Variants in CACNA2D1 observed in about 807,000 individuals in gnomAD.
CACNA2D1 encodes calcium voltage-gated channel auxiliary subunit alpha2delta 1, also known as voltage-dependent calcium channel subunit alpha-2/delta-1.
A neutral mutation model predicts 171.5 loss-of-function variants in CACNA2D1; 53 were observed. The observed-to-expected ratio is 0.31, with a 90% CI of 0.25 to 0.39. CACNA2D1 has a LOEUF of 0.39. Among genes scored for constraint, CACNA2D1 ranks in the 10% least tolerant of loss-of-function variants. The probability of loss-of-function intolerance (pLI) is 1.00; values close to 1 mark genes in which losing one functional copy is unlikely to be tolerated. For synonymous variants in CACNA2D1, 442 were observed against 443.1 expected (o/e 1.00, Z 0.03); for missense variants, 903 against 1,299.8 (o/e 0.69, Z 4.69).
In CACNA2D1 at chr7:82,443,472, A is replaced by G; in HGVS notation, c.-13T>C. The G allele has an allele frequency of 6.2e-7, 1 of 1,606,542 alleles. No homozygotes were observed. Among genetic ancestry groups the G allele is most frequent in the Non-Finnish European group, 8.5e-7 (1 of 1,176,272 alleles). On this transcript the variant is annotated 5_prime_UTR_variant, in exon 1 of 39. Coordinates refer to ENST00000356860, the MANE Select transcript of CACNA2D1 (RefSeq NM_000722.4). ...AGCCAGCAGCCATCTTCGCGATCGA[A>G]GATCAATGCCCCCTCCCTGCCCAAG...
At chr7:81,953,673 T>TG (rs1297951130) in intron 38 of CACNA2D1, among the ~76,000 whole-genome samples, 2 of 152,154 alleles carry the variant, frequency 1.3e-5, no homozygotes, top group African/African-American at 2.4e-5. Context: ...ACACATGGAC[T>TG]GGTTAGAAAC....
chr7:82,366,702 G>C (rs1176395406), intron 1 of CACNA2D1, among the ~76,000 whole-genome samples: 2 of 151,980 alleles, frequency 1.3e-5, no homozygotes, highest in Non-Finnish European at 2.9e-5. Flanking sequence ...TTGTCTCTTT[G>C]GCAGAATGAT....
chr7:82,178,236 A>G (rs923901094), intron 3 of CACNA2D1, among the ~76,000 whole-genome samples: 8 of 152,132 alleles, frequency 5.3e-5, no homozygotes, highest in African/African-American at 1.9e-4. Context: ...AAATACTTCA[A>G]AATTAACCAC....
intron 4 of CACNA2D1, among the ~76,000 whole-genome samples, chr7:82,148,186 A>G (rs1793367432): frequency 6.6e-6 from 1 of 152,194 alleles, no homozygotes; most frequent in Non-Finnish European, 1.5e-5. Flanking sequence ...TTCAGCTCGG[A>G]TAGTGCATTA....
intron 3 of CACNA2D1, among the ~76,000 whole-genome samples, chr7:82,283,684 CAT>C (rs1397998989): frequency 6.6e-6 from 1 of 151,866 alleles, no homozygotes. Flanking sequence ...TTTTTAGTAA[CAT>C]AAGGTCACAC....
intron 3 of CACNA2D1, among the ~76,000 whole-genome samples, chr7:82,216,719 A>G (rs984656444): frequency 7.2e-5 from 11 of 152,144 alleles, no homozygotes; most frequent in African/African-American, 2.7e-4. Flanking sequence ...GACGCCTAGC[A>G]AAATCAAGTA....
chr7:82,113,185 CTT>C (rs1788652785), intron 6 of CACNA2D1, among the ~76,000 whole-genome samples: 1 of 151,910 alleles, frequency 6.6e-6, no homozygotes, highest in Non-Finnish European at 1.5e-5. Context: ...TAATGTTATT[CTT>C]ATAGAAATAT....
intron 3 of CACNA2D1, among the ~76,000 whole-genome samples, chr7:82,217,042 T>TGCTG (rs947825703): frequency 3.3e-5 from 5 of 151,956 alleles, no homozygotes; most frequent in Non-Finnish European, 5.9e-5. Context: ...ATTTATAAGG[T>TGCTG]GCTGTTTCCT....
At chr7:82,429,859 AG>A in intron 1 of CACNA2D1, among the ~76,000 whole-genome samples, 2 of 152,314 alleles carry the variant, frequency 1.3e-5, no homozygotes, top group Admixed American at 1.3e-4. Flanking sequence ...TTATATCGAC[AG>A]GAAAATCAGG....
intron 6 of CACNA2D1, among the ~76,000 whole-genome samples, chr7:82,094,999 G>A (rs1355976210): frequency 6.6e-6 from 1 of 151,864 alleles, no homozygotes; most frequent in Non-Finnish European, 1.5e-5. Flanking sequence ...GTATTTGTTG[G>A]TTCTCCATAA....
chr7:82,219,264 G>A (rs1801497962), intron 3 of CACNA2D1, among the ~76,000 whole-genome samples: 1 of 152,052 alleles, frequency 6.6e-6, no homozygotes, highest in African/African-American at 2.4e-5. Context: ...TAATTTGATA[G>A]TTTGTATTAT....
chr7:82,388,999 C>A (rs945673697), intron 1 of CACNA2D1, among the ~76,000 whole-genome samples: 3 of 151,654 alleles, frequency 2.0e-5, no homozygotes, highest in African/African-American at 7.3e-5. Context: ...ACCTGTAATC[C>A]CAGCTACTCG....
intron 4 of CACNA2D1, among the ~76,000 whole-genome samples, chr7:82,138,440 GTTTTT>G (rs1423711232): frequency 4.2e-5 from 4 of 95,394 alleles, no homozygotes; most frequent in African/African-American, 1.4e-4. Context: ...TGTTTTTTTT[GTTTTT>G]TTTGTTTTTT....
intron 3 of CACNA2D1, among the ~76,000 whole-genome samples, chr7:82,181,820 T>C (rs941504396): frequency 2.0e-5 from 3 of 152,210 alleles, no homozygotes; most frequent in Non-Finnish European, 4.4e-5. Context: ...ACTTTGTCTC[T>C]GAGCCAATTA....
chr7:82,130,791 C>CTT (rs71093363), intron 5 of CACNA2D1, among the ~76,000 whole-genome samples: 1,907 of 105,762 alleles, frequency 0.018, 23 homozygotes, highest in Middle Eastern at 0.04. Flanking sequence ...TTGTTTTTGT[C>CTT]TTTTTTTTTT....
chr7:82,279,730 T>C lies in CACNA2D1; in HGVS notation c.294+55405A>G, dbSNP rs1585317374. On this transcript the variant is annotated intron_variant, in intron 3 of 38. Transcript: ENST00000356860. The stretch of plus-strand genomic sequence containing the variant: ...TCCTTTAATAGTTCCTTTTAATAAC[T>C]GATCTGTTGTTAAGATTTGAAAAAA... Among the ~76,000 whole-genome samples the C allele has an allele frequency of 2.6e-5, 4 of 152,232 alleles. 1 individual carries two copies. In the South Asian group the frequency reaches 8.3e-4, roughly 31 times the overall value.
At chr7:81,998,554 C>A (rs559186847) in intron 18 of CACNA2D1, among the ~76,000 whole-genome samples, 2 of 151,960 alleles carry the variant, frequency 1.3e-5, no homozygotes, top group East Asian at 3.9e-4. Flanking sequence ...AGTAATTCCA[C>A]CTAAAGATGA....
intron 5 of CACNA2D1, among the ~76,000 whole-genome samples, chr7:82,135,598 T>C (rs1791515619): frequency 6.6e-6 from 1 of 152,110 alleles, no homozygotes; most frequent in East Asian, 1.9e-4. Flanking sequence ...GTTAGTAGTA[T>C]GGTTTGAGAT....
At chr7:82,038,594 T>C (rs1803589797) in intron 10 of CACNA2D1, among the ~76,000 whole-genome samples, 1 of 152,224 alleles carries the variant, frequency 6.6e-6, no homozygotes, top group African/African-American at 2.4e-5. Flanking sequence ...TATGGGATGC[T>C]TGCCCTGGTT....
Sources: gnomAD v4.1 joint callset for allele counts (sites outside exome capture counted in the v4.1 genomes callset) on GRCh38, gnomAD v4.1.1 for gene constraint, MANE v1.5 for transcripts, NCBI Gene and HGNC (gene_info 2026-07-23, HGNC 2026-07-21) for gene names.